The following ANO2 variants were observed in gnomAD, a reference collection of about 807,000 sequenced individuals.
ANO2 encodes anoctamin-2.
ANO2 carries 101 observed loss-of-function variants against 124.2 expected under a neutral mutation model. The ratio of observed to expected loss-of-function variants is 0.81; its 90% confidence interval spans 0.69 to 0.96. The LOEUF (loss-of-function observed/expected upper bound fraction) is 0.96, where lower values mean the gene tolerates loss of function less well. Among genes scored for constraint, ANO2 ranks in the 40% least tolerant of loss-of-function variants. The pLI, the probability that ANO2 is intolerant of heterozygous loss-of-function variation, is 0.00. For synonymous variants in ANO2, 486 were observed against 482.5 expected, an observed-to-expected ratio of 1.01 and a Z score of -0.09; for missense variants, 1,293 against 1,274.5, an observed-to-expected ratio of 1.01 and a Z score of -0.22.
chr12:5,834,020 T>C (rs1251775981), intron 4 of ANO2, among the ~76,000 whole-genome samples: 1 of 151,990 alleles, frequency 6.6e-6, no homozygotes, highest in African/African-American at 2.4e-5. Flanking sequence ...CTGAGCCCAG[T>C]CTTCCAGCTG....
At chr12:5,647,844 T>C (rs1364609122) in intron 14 of ANO2, 43 bp from the exon 15 acceptor site, 2 of 1,430,550 alleles carry the variant, frequency 1.4e-6, no homozygotes, top group Non-Finnish European at 2.0e-6. Flanking sequence ...GAGGCACAAA[T>C]AACAGATATT....
intron 16 of ANO2, among the ~76,000 whole-genome samples, chr12:5,616,144 G>C (rs1218687344): frequency 6.6e-6 from 1 of 152,182 alleles, no homozygotes; most frequent in East Asian, 1.9e-4. Flanking sequence ...AGGACAAGAG[G>C]TGACAGGGTG....
chr12:5,835,577 C>G (rs1464777894), intron 4 of ANO2, among the ~76,000 whole-genome samples: 1 of 152,096 alleles, frequency 6.6e-6, no homozygotes, highest in Non-Finnish European at 1.5e-5. Context: ...GTTGCAAAGC[C>G]AAGAGAGTTA....
intron 9 of ANO2, among the ~76,000 whole-genome samples, chr12:5,801,296 C>T (rs1022629781): frequency 6.6e-6 from 1 of 152,192 alleles, no homozygotes; most frequent in Non-Finnish European, 1.5e-5. Context: ...TAAATAAAAT[C>T]ATTCAGTAAA....
chr12:5,595,068 C>A (rs1943591358), intron 20 of ANO2, among the ~76,000 whole-genome samples: 1 of 152,218 alleles, frequency 6.6e-6, no homozygotes, highest in South Asian at 2.1e-4. Flanking sequence ...AAATGTAAAT[C>A]CTTTACTTGT....
intron 10 of ANO2, among the ~76,000 whole-genome samples, chr12:5,754,498 T>C (rs2137097365): frequency 6.6e-6 from 1 of 152,316 alleles, no homozygotes; most frequent in East Asian, 1.9e-4. Flanking sequence ...GGTATTAATT[T>C]TTCTTTGAAT....
At chr12:5,634,940 A>G (rs1945926437) in intron 16 of ANO2, among the ~76,000 whole-genome samples, 1 of 152,208 alleles carries the variant, frequency 6.6e-6, no homozygotes. Flanking sequence ...GGACTTGATC[A>G]AGAACATTAC....
rs35754363 is a variant in ANO2 at position 5,658,100 on chromosome 12, A to AGCT, written c.1546-10300_1546-10299insAGC. Among the ~76,000 whole-genome samples the AGCT allele has an allele frequency of 0.59, 89,731 of 151,642 alleles. 27,981 individuals are homozygous for AGCT. Among genetic ancestry groups the AGCT allele is most frequent in the East Asian group, 0.96 (4,935 of 5,154 alleles). On this transcript the variant is annotated intron_variant, in intron 14 of 24. Transcript: ENST00000682330. The surrounding 1 kb of genome is among the most constrained non-coding windows in gnomAD (Gnocchi z 4.3). The stretch of plus-strand genomic sequence containing the variant: ...TCCCCCTTTTCTTCTTCCTTGCTGG[A>AGCT]GGGCATCTCACCATGTCCTGGGAAT...
At chr12:5,678,563 A>G (rs892129827) in intron 14 of ANO2, among the ~76,000 whole-genome samples, 2 of 152,218 alleles carry the variant, frequency 1.3e-5, no homozygotes, top group African/African-American at 4.8e-5. Context: ...AAATTTTCCA[A>G]GGGATTTACT....
At chr12:5,582,432 G>C in intron 20 of ANO2, among the ~76,000 whole-genome samples, 1 of 152,208 alleles carries the variant, frequency 6.6e-6, no homozygotes, top group East Asian at 1.9e-4. Flanking sequence ...GATTTCCTGA[G>C]TTTAGGTTAA....
At chr12:5,596,091 A>C (rs969863548) in intron 20 of ANO2, among the ~76,000 whole-genome samples, 1 of 152,222 alleles carries the variant, frequency 6.6e-6, no homozygotes, top group Non-Finnish European at 1.5e-5. Flanking sequence ...TATAAATAAA[A>C]GATTATATGC....
intron 4 of ANO2, among the ~76,000 whole-genome samples, chr12:5,839,430 T>C (rs1954436975): frequency 6.6e-6 from 1 of 152,144 alleles, no homozygotes; most frequent in African/African-American, 2.4e-5. Flanking sequence ...GACTCGGCAA[T>C]GGAGGATAAT....
At chr12:5,846,022 C>T (rs187888810) in intron 4 of ANO2, among the ~76,000 whole-genome samples, 3 of 152,278 alleles carry the variant, frequency 2.0e-5, no homozygotes, top group Non-Finnish European at 4.4e-5. Context: ...TAATTCAAAG[C>T]GGTTTTATGA....
chr12:5,824,941 C>T (rs1953910946), intron 7 of ANO2, among the ~76,000 whole-genome samples: 1 of 152,142 alleles, frequency 6.6e-6, no homozygotes, highest in African/African-American at 2.4e-5. Flanking sequence ...TATTCACTAT[C>T]ACAAGAATAG....
intron 15 of ANO2, among the ~76,000 whole-genome samples, chr12:5,637,856 C>T (rs1223270515): frequency 6.6e-6 from 1 of 152,106 alleles, no homozygotes; most frequent in African/African-American, 2.4e-5. Context: ...CAGAGCATCT[C>T]AAGATTCACA....
chr12:5,913,150 C>T lies in ANO2; in HGVS notation c.534+7890G>A, dbSNP rs749697093. Among the ~76,000 whole-genome samples the T allele has an allele frequency of 1.4e-4, 22 of 152,282 alleles. 1 individual carries two copies. The highest frequency in any genetic ancestry group is 7.7e-4 in the East Asian group (4 of 5,184). On this transcript the variant is annotated intron_variant, in intron 3 of 24. Transcript: ENST00000682330. ...CAGGAAGGCCTCCAGGGGACGCTGTCACCCTAGAAAACCAAACAGCAAGGT... is the reference window on the plus strand; with the variant it reads ...CAGGAAGGCCTCCAGGGGACGCTGTTACCCTAGAAAACCAAACAGCAAGGT...
intron 14 of ANO2, among the ~76,000 whole-genome samples, chr12:5,670,683 T>A (rs1304558603): frequency 6.6e-6 from 1 of 152,096 alleles, no homozygotes; most frequent in Non-Finnish European, 1.5e-5. Flanking sequence ...TAGAGGCTTG[T>A]ACCACCATTC....
At chr12:5,873,667 G>T (rs184166926) in intron 3 of ANO2, among the ~76,000 whole-genome samples, 4 of 152,246 alleles carry the variant, frequency 2.6e-5, no homozygotes, top group Admixed American at 2.6e-4. Context: ...CAGGACAAAT[G>T]AGGTGTTTCT....
intron 23 of ANO2, among the ~76,000 whole-genome samples, chr12:5,573,974 T>G (rs577534905): frequency 6.6e-6 from 1 of 152,306 alleles, no homozygotes; most frequent in South Asian, 2.1e-4. Flanking sequence ...GTGGCTGTCT[T>G]ACGAAAGGCT....
Sources: allele counts gnomAD v4.1 joint callset (sites outside exome capture counted in the v4.1 genomes callset), GRCh38; gene constraint gnomAD v4.1.1; non-coding constraint Gnocchi (gnomAD v3.1); transcripts MANE v1.5; gene names NCBI Gene and HGNC (gene_info 2026-07-23, HGNC 2026-07-21).